The following ZBTB5 variants were observed in gnomAD, a reference collection of about 807,000 sequenced individuals.
ZBTB5 encodes zinc finger and BTB domain-containing protein 5.
ZBTB5 carries 15 observed loss-of-function variants against 37.9 expected under a neutral mutation model. That is an observed-to-expected ratio of 0.40 (90% confidence interval 0.26 to 0.61). The LOEUF is 0.61. ZBTB5 is among the 20% of genes least tolerant of loss of function. The pLI, the probability that ZBTB5 is intolerant of heterozygous loss-of-function variation, is 0.47. For missense variants in ZBTB5, 708 were observed against 856.8 expected (o/e 0.83, Z 2.17); for synonymous variants, 315 against 312.4 (o/e 1.01, Z -0.09).
At chr9:37,451,833 G>T (rs988103627) in intron 1 of ZBTB5, among the ~76,000 whole-genome samples, 1 of 152,154 alleles carries the variant, frequency 6.6e-6, no homozygotes, top group African/African-American at 2.4e-5. Context: ...TGCTGAGTCA[G>T]TTCCTGGGTG....
chr9:37,441,906 C>A lies in ZBTB5; in HGVS notation c.646G>T (p.Asp216Tyr), dbSNP rs752126448. 2 of 1,614,034 alleles carry A rather than the reference C, an allele frequency of 1.2e-6. No individual in the cohort carries two copies. Among genetic ancestry groups the A allele is most frequent in the East Asian group, 2.2e-5 (1 of 44,882 alleles). ...RPSIDESAIS[D>Y]VTPENGPSGV... ...GAAGGCCCATTCTCCGGTGTAACAT[C>A]TGAAATGGCAGACTCATCTATGGAG... The change falls in exon 2 of 2, where the codon GAT becomes TAT. Residue 216 changes from aspartate to tyrosine, a missense_variant. Transcript: ENST00000307750.
intron 1 of ZBTB5, among the ~76,000 whole-genome samples, chr9:37,465,004 G>A (rs1010054606): frequency 6.6e-6 from 1 of 151,780 alleles, no homozygotes; most frequent in East Asian, 2.0e-4. Flanking sequence ...ACAGCCTGGC[G>A]TCGGGACACC....
At chr9:37,451,766 G>T (rs930176311) in intron 1 of ZBTB5, among the ~76,000 whole-genome samples, 2 of 152,130 alleles carry the variant, frequency 1.3e-5, no homozygotes, top group African/African-American at 2.4e-5. Flanking sequence ...CAGTGAGTTA[G>T]GAGTGCTGAT....
Position 37,448,660 on chromosome 9 carries a change from T to G in ZBTB5, c.-4-6105A>C, listed in dbSNP as rs138009165. Among the ~76,000 whole-genome samples, 296 of 152,288 alleles carry G rather than the reference T, an allele frequency of 1.9e-3. 2 individuals carry two copies. Among genetic ancestry groups the G allele is most frequent in the African/African-American group, 6.8e-3 (282 of 41,558 alleles). Reference sequence around the variant, plus strand: ...TCCTGATTACTCTGCCATGGACAGCTAAGGAAGTAGAGTAGATTTTCTTAA... The same window carrying G: ...TCCTGATTACTCTGCCATGGACAGCGAAGGAAGTAGAGTAGATTTTCTTAA... On this transcript the variant is annotated intron_variant, in intron 1 of 1. Coordinates refer to ENST00000307750, the MANE Select transcript of ZBTB5 (RefSeq NM_014872.3).
chr9:37,450,565 T>C (rs1824085347), intron 1 of ZBTB5, among the ~76,000 whole-genome samples: 1 of 152,172 alleles, frequency 6.6e-6, no homozygotes, highest in Non-Finnish European at 1.5e-5. Context: ...TGTCAATAGA[T>C]AATGCCTAAA....
At chr9:37,460,648 T>C (rs958811637) in intron 1 of ZBTB5, among the ~76,000 whole-genome samples, 6 of 152,070 alleles carry the variant, frequency 3.9e-5, no homozygotes, top group African/African-American at 1.4e-4. Flanking sequence ...GGAGAAATGC[T>C]TGAGTCCAGG....
At chr9:37,460,082 G>C (rs571250339) in intron 1 of ZBTB5, among the ~76,000 whole-genome samples, 1 of 151,278 alleles carries the variant, frequency 6.6e-6, no homozygotes, top group Non-Finnish European at 1.5e-5. Flanking sequence ...CTGACCTTGT[G>C]ATCTGCCTAC....
At position 37,441,450 on chromosome 9, in the gene ZBTB5, T is replaced by G. The variant is rs747038791; in HGVS notation, c.1102A>C (p.Ile368Leu). ...TCACTGCTTTCAGGGCTGAGGTCTATCTTCTCGGCACTGACCACAACTCCT... is the reference window on the plus strand; with the variant it reads ...TCACTGCTTTCAGGGCTGAGGTCTAGCTTCTCGGCACTGACCACAACTCCT... ...VEGVVVSAEK[I>L]DLSPESSDRS... Residue 368 changes from isoleucine (I) to leucine (L), a missense_variant, in exon 2 of 2, where the codon ATA (isoleucine) becomes CTA (leucine). By Grantham distance (5) the Ile-to-Leu change is conservative (BLOSUM62 2). Transcript: ENST00000307750. 3 of 1,613,632 alleles carry G rather than the reference T, an allele frequency of 1.9e-6. No homozygotes were observed. Among genetic ancestry groups the G allele is most frequent in the Non-Finnish European group, 2.5e-6 (3 of 1,179,954 alleles).
chr9:37,448,963 GA>G (rs1331910261), intron 1 of ZBTB5, among the ~76,000 whole-genome samples: 1 of 151,544 alleles, frequency 6.6e-6, no homozygotes, highest in African/African-American at 2.4e-5. Flanking sequence ...AGAATCGCTT[GA>G]ACCCAGAAGG....
chr9:37,455,187 A>C (rs989326131), intron 1 of ZBTB5, among the ~76,000 whole-genome samples: 1 of 152,174 alleles, frequency 6.6e-6, no homozygotes, highest in Non-Finnish European at 1.5e-5. Context: ...CAGAATGTGC[A>C]GAGGAGCATA....
At chr9:37,452,472 A>C (rs576531437) in intron 1 of ZBTB5, among the ~76,000 whole-genome samples, 1 of 152,350 alleles carries the variant, frequency 6.6e-6, no homozygotes, top group Admixed American at 6.5e-5. Flanking sequence ...TATGAAGCTC[A>C]AAAGTGATTC....
rs67502719 is a variant in ZBTB5 at position 37,451,555 on chromosome 9, C to CAAAAAAAAAAAAAAAAAAAAA, written c.-4-9021_-4-9001dup. On this transcript the variant is annotated intron_variant, in intron 1 of 1. Transcript: ENST00000307750. ...CCTGGGTGACAGAGTGAGACTATCT[C>CAAAAAAAAAAAAAAAAAAAAA]AAAAAAAAAAAAAAAAAAAAAAGAC... Among the ~76,000 whole-genome samples the CAAAAAAAAAAAAAAAAAAAAA allele has an allele frequency of 5.5e-5, 4 of 72,746 alleles. 1 individual carries two copies. Among genetic ancestry groups the CAAAAAAAAAAAAAAAAAAAAA allele is most frequent in the African/African-American group, 1.6e-4 (3 of 18,622 alleles). 47.7% of individuals were successfully genotyped at this position (72,746 alleles called of 152,430 possible).
At chr9:37,449,526 T>C (rs1273968299) in intron 1 of ZBTB5, among the ~76,000 whole-genome samples, 1 of 151,884 alleles carries the variant, frequency 6.6e-6, no homozygotes, top group East Asian at 1.9e-4. Flanking sequence ...GGTGAAACCC[T>C]GCCTCTACTA....
chr9:37,460,878 C>T, intron 1 of ZBTB5, among the ~76,000 whole-genome samples: 1 of 137,166 alleles, frequency 7.3e-6, no homozygotes, highest in Non-Finnish European at 1.6e-5. Context: ...AAAAGCAAAA[C>T]AGAACAAAGT....
In ZBTB5 at chr9:37,439,458, GTATAGTA is replaced by G. The variant is rs1164316839; in HGVS notation, c.*1053_*1059del. The G allele has an allele frequency of 1.3e-5, 2 of 152,208 alleles. No individual in the cohort carries two copies. Among genetic ancestry groups the G allele is most frequent in the Non-Finnish European group, 2.9e-5 (2 of 68,032 alleles). 9.4% of individuals were successfully genotyped at this position (152,208 alleles called of 1,614,324 possible). On this transcript the variant is annotated 3_prime_UTR_variant, in exon 2 of 2. Transcript: ENST00000307750. ...AAATTTAGGGTCTGTACTGTTAAAA[GTATAGTA>G]TATAACAGTAATAAAACCTGTGTGG...
At chr9:37,453,201 TTAAA>T (rs1354215541) in intron 1 of ZBTB5, among the ~76,000 whole-genome samples, 1 of 152,154 alleles carries the variant, frequency 6.6e-6, no homozygotes, top group Non-Finnish European at 1.5e-5. Flanking sequence ...CTCTCTCTCT[TTAAA>T]TAGTGACAGG....
intron 1 of ZBTB5, among the ~76,000 whole-genome samples, chr9:37,448,827 C>T (rs779794228): frequency 5.3e-5 from 8 of 151,206 alleles, no homozygotes; most frequent in Admixed American, 1.3e-4. Context: ...TGGGCAAACA[C>T]GAGGTCAAGA....
At chr9:37,443,243 C>T (rs1488680022) in intron 1 of ZBTB5, among the ~76,000 whole-genome samples, 1 of 151,080 alleles carries the variant, frequency 6.6e-6, no homozygotes, top group African/African-American at 2.4e-5. Context: ...CCCAGGTACT[C>T]GGGAGGCTGA....
At chr9:37,451,246 A>T (rs1824097491) in intron 1 of ZBTB5, among the ~76,000 whole-genome samples, 1 of 152,018 alleles carries the variant, frequency 6.6e-6, no homozygotes, top group Non-Finnish European at 1.5e-5. Context: ...GTTTGTCTTA[A>T]ATCTTGTAGA....
Sources: allele counts gnomAD v4.1 joint callset (sites outside exome capture counted in the v4.1 genomes callset), GRCh38; gene constraint gnomAD v4.1.1; transcripts MANE v1.5; gene names NCBI Gene and HGNC (gene_info 2026-07-23, HGNC 2026-07-21).